CAMTA1: variants seen among roughly 807,000 people sequenced by gnomAD.
CAMTA1 encodes the protein calmodulin-binding transcription activator 1.
A neutral mutation model predicts 170.9 loss-of-function variants in CAMTA1; 27 were observed. That is an observed-to-expected ratio of 0.16 (90% confidence interval 0.12 to 0.22). CAMTA1 has a LOEUF of 0.22. Among genes scored for constraint, CAMTA1 ranks in the 10% least tolerant of loss-of-function variants. The probability of loss-of-function intolerance (pLI) is 1.00; values close to 1 mark genes in which losing one functional copy is unlikely to be tolerated. For synonymous variants in CAMTA1, 833 were observed against 891.5 expected (o/e 0.93, Z 1.17); for missense variants, 1,619 against 2,217.2 (o/e 0.73, Z 5.42).
chr1:7,494,973 C>T lies in CAMTA1; in HGVS notation c.510+27072C>T, dbSNP rs112294517. On this transcript the variant is annotated intron_variant, in intron 6 of 22. Coordinates refer to ENST00000303635, the MANE Select transcript of CAMTA1 (RefSeq NM_015215.4). Reference sequence around the variant, plus strand: ...CGCCCTCAGACTGGGGCTGGGATCCCGAGACTGTGGGTGAGTGGGGCCAAG... The same window carrying T: ...CGCCCTCAGACTGGGGCTGGGATCCTGAGACTGTGGGTGAGTGGGGCCAAG... 1.2e-4 allele frequency among the ~76,000 whole-genome samples: 18 copies of T among 152,124 alleles called. 1 individual carries two copies. The South Asian group carries it at 1.5e-3, about 12-fold the overall frequency.
At chr1:6,936,225 A>C (rs1685282871) in intron 3 of CAMTA1, among the ~76,000 whole-genome samples, 1 of 152,212 alleles carries the variant, frequency 6.6e-6, no homozygotes, top group Non-Finnish European at 1.5e-5. Flanking sequence ...TTTTCGACAA[A>C]AGTAGCCCAG....
intron 6 of CAMTA1, among the ~76,000 whole-genome samples, chr1:7,556,027 T>G (rs2094872279): frequency 6.6e-6 from 1 of 152,094 alleles, no homozygotes; most frequent in African/African-American, 2.4e-5. Flanking sequence ...CAGGACCACT[T>G]GGGGAAGCAG....
intron 4 of CAMTA1, among the ~76,000 whole-genome samples, chr1:7,201,302 T>C (rs980454648): frequency 3.9e-5 from 6 of 152,276 alleles, no homozygotes; most frequent in African/African-American, 1.4e-4. Context: ...TATATGGATA[T>C]AACTCATTTG....
chr1:7,684,677 C>A (rs2096243348), intron 11 of CAMTA1, among the ~76,000 whole-genome samples: 1 of 152,224 alleles, frequency 6.6e-6, no homozygotes, highest in African/African-American at 2.4e-5. Context: ...CCGGTGTGAA[C>A]CCGTCTTAAT....
intron 6 of CAMTA1, among the ~76,000 whole-genome samples, chr1:7,478,999 T>C (rs1052362459): frequency 1.1e-4 from 16 of 152,212 alleles, no homozygotes; most frequent in Non-Finnish European, 1.8e-4. Flanking sequence ...AATCCAGACG[T>C]AGTGGGACAG....
chr1:7,201,659 A>T (rs1656727855), intron 4 of CAMTA1, among the ~76,000 whole-genome samples: 1 of 152,076 alleles, frequency 6.6e-6, no homozygotes, highest in Non-Finnish European at 1.5e-5. Flanking sequence ...TTGTGTGTAT[A>T]TTTGTATATT....
chr1:7,182,147 G>C (rs1652302886), intron 4 of CAMTA1, among the ~76,000 whole-genome samples: 1 of 152,020 alleles, frequency 6.6e-6, no homozygotes, highest in Admixed American at 6.6e-5. Flanking sequence ...GGATGACCAG[G>C]CAGCCTTTGG....
chr1:7,564,848 G>A (rs1576093932), intron 6 of CAMTA1, among the ~76,000 whole-genome samples: 1 of 151,926 alleles, frequency 6.6e-6, no homozygotes, highest in Non-Finnish European at 1.5e-5. Context: ...GGAGAGTTGA[G>A]AGGGATGAGA....
At chr1:7,110,128 A>G (rs886703196) in intron 4 of CAMTA1, among the ~76,000 whole-genome samples, 1 of 152,072 alleles carries the variant, frequency 6.6e-6, no homozygotes, top group Admixed American at 6.5e-5. Context: ...GCTCCAGGTG[A>G]TGGCTTAATT....
chr1:7,431,867 A>G (rs2092174859), intron 5 of CAMTA1, among the ~76,000 whole-genome samples: 2 of 152,046 alleles, frequency 1.3e-5, no homozygotes, highest in African/African-American at 4.8e-5. Context: ...CCCATCCCCA[A>G]GCTCCCAAAG....
In CAMTA1 at chr1:7,768,811, A is replaced by G. The variant is rs954001822; in HGVS notation, c.*2320A>G. On this transcript the variant is annotated 3_prime_UTR_variant, in exon 23 of 23. Transcript: ENST00000303635. ...GATACCTATTATTTTACACAATTTG[A>G]CCTATAGGAGGACACTGAGTAATTT... is the stretch of plus-strand genomic sequence containing the variant. 6.8e-4 allele frequency: 103 copies of G among 152,588 alleles called. No individual in the cohort carries two copies. The highest frequency in any genetic ancestry group is 2.3e-3 in the African/African-American group (96 of 41,420). 9.5% of individuals were successfully genotyped at this position (152,588 alleles called of 1,614,324 possible).
In CAMTA1 at chr1:7,050,766, C is replaced by G. The variant is rs1186008236; in HGVS notation, c.235-40538C>G. On this transcript the variant is annotated intron_variant, in intron 3 of 22. Coordinates refer to ENST00000303635, the MANE Select transcript of CAMTA1 (RefSeq NM_015215.4). This position sits in a 1 kb window ranked among gnomAD's most constrained non-coding sequence, Gnocchi z 4.8. ...GGGAAGGAGCCCCAGGGGGCCTTGG[C>G]CTCCACGAGTTTCTAGTCCTTGTCA... Among the ~76,000 whole-genome samples, 7 of 152,078 alleles carry G rather than the reference C, an allele frequency of 4.6e-5. No homozygotes were observed. The highest frequency in any genetic ancestry group is 1.7e-4 in the African/African-American group (7 of 41,408).
rs1450929195 is a variant in CAMTA1, at chr1:7,261,847, GT to G, written c.438+12222del. On this transcript the variant is annotated intron_variant, in intron 5 of 22. Coordinates refer to ENST00000303635, the MANE Select transcript of CAMTA1 (RefSeq NM_015215.4). Reference sequence around the variant, plus strand: ...GATAGCTTGAGTTTCAAAATACTGTGTGACTTCTTTTTCTTTCAAAAATATC... The same window carrying G: ...GATAGCTTGAGTTTCAAAATACTGTGGACTTCTTTTTCTTTCAAAAATATC... Among the ~76,000 whole-genome samples the G allele has an allele frequency of 2.6e-5, 4 of 152,342 alleles. No homozygotes were observed. The East Asian group carries it at 7.7e-4, about 29-fold the overall frequency.
intron 5 of CAMTA1, among the ~76,000 whole-genome samples, chr1:7,400,400 C>A (rs1228169273): frequency 6.6e-6 from 1 of 152,112 alleles, no homozygotes; most frequent in Non-Finnish European, 1.5e-5. Flanking sequence ...TCATTGAATT[C>A]TTTACCCATG....
intron 6 of CAMTA1, among the ~76,000 whole-genome samples, chr1:7,530,206 C>G (rs1287465690): frequency 6.6e-6 from 1 of 152,230 alleles, no homozygotes; most frequent in Non-Finnish European, 1.5e-5. Flanking sequence ...TGCACAGCCA[C>G]CTTGGCCTCA....
chr1:7,461,083 G>A (rs58258021), intron 5 of CAMTA1, among the ~76,000 whole-genome samples: 20,701 of 152,036 alleles, frequency 0.14, 2,235 homozygotes, highest in East Asian at 0.32. Flanking sequence ...CCTGTCTGCC[G>A]CCCCCGCGGG....
chr1:7,522,843 T>C (rs1157165936), intron 6 of CAMTA1, among the ~76,000 whole-genome samples: 1 of 152,160 alleles, frequency 6.6e-6, no homozygotes, highest in African/African-American at 2.4e-5. Flanking sequence ...TATTTCTGGG[T>C]TCTGTATTCT....
intron 1 of CAMTA1, among the ~76,000 whole-genome samples, chr1:6,799,926 C>T (rs1557574026): frequency 2.0e-5 from 3 of 152,074 alleles, no homozygotes; most frequent in African/African-American, 7.2e-5. Context: ...GCTTGCTTTC[C>T]TGATATTCAG....
At chr1:7,185,401 C>T (rs1461588759) in intron 4 of CAMTA1, among the ~76,000 whole-genome samples, 1 of 152,162 alleles carries the variant, frequency 6.6e-6, no homozygotes, top group East Asian at 1.9e-4. Context: ...AGAGCTGACA[C>T]ACTCATGGAG....
Sources: allele counts gnomAD v4.1 joint callset (sites outside exome capture counted in the v4.1 genomes callset), GRCh38; gene constraint gnomAD v4.1.1; non-coding constraint Gnocchi (gnomAD v3.1); transcripts MANE v1.5; gene names NCBI Gene and HGNC (gene_info 2026-07-23, HGNC 2026-07-21).